Variants in SLC25A53 observed in about 807,000 individuals in gnomAD.
SLC25A53 encodes the protein mitochondrial carrier triple repeat protein 6.
SLC25A53 carries 5 observed loss-of-function variants against 15.0 expected under a neutral mutation model. The observed-to-expected ratio is 0.33, with a 90% confidence interval of 0.17 to 0.70. The LOEUF is 0.70. SLC25A53 is among the 30% of genes least tolerant of loss of function. SLC25A53 has a pLI of 0.67. For missense variants in SLC25A53, 216 were observed against 241.6 expected (o/e 0.89, Z 0.70); for synonymous variants, 95 against 100.0 (o/e 0.95, Z 0.30).
At chrX:104,132,391 G>A (rs143527668) in intron 1 of SLC25A53, among the ~76,000 whole-genome samples, 36 of 111,818 alleles carry the variant, frequency 3.2e-4, no homozygotes, top group African/African-American at 1.1e-3. Flanking sequence ...TGAACATGCC[G>A]TCCTGAAACA....
chrX:104,123,538 TTTG>T (rs1179019624), intron 1 of SLC25A53, among the ~76,000 whole-genome samples: 3 of 94,140 alleles, frequency 3.2e-5, no homozygotes, highest in Non-Finnish European at 6.6e-5. Flanking sequence ...AGTTTGCTGA[TTTG>T]TTTATTTTTT....
chrX:104,156,626 C>G (rs1343237153), intron 1 of SLC25A53, among the ~76,000 whole-genome samples: 1 of 110,275 alleles, frequency 9.1e-6, no homozygotes, highest in East Asian at 2.8e-4. Context: ...CCCCATAGAC[C>G]CCGCCTGTCC....
intron 1 of SLC25A53, among the ~76,000 whole-genome samples, chrX:104,106,455 G>T (rs1206730390): frequency 9.0e-6 from 1 of 111,219 alleles, no homozygotes; most frequent in Non-Finnish European, 1.9e-5. Flanking sequence ...GGAGGACAGG[G>T]GAGAGGCGGA....
In SLC25A53 at chrX:104,115,154, G is replaced by A. The variant is rs782582436; in HGVS notation, c.-31-9866C>T. 211 of 1,206,481 alleles carry A rather than the reference G, an allele frequency of 1.7e-4. No individual in the cohort carries two copies. The highest frequency in any genetic ancestry group is 2.3e-4 in the Middle Eastern group (1 of 4,349). ...GCCAGGAAGCGAAAATACACAACCC[G>A]CTGCTCATATTGTGGGGAGGAGGGC... On this transcript the variant is annotated intron_variant, in intron 1 of 1. Transcript: ENST00000594199.
At chrX:104,144,773 A>G (rs1348200566) in intron 1 of SLC25A53, among the ~76,000 whole-genome samples, 5 of 111,864 alleles carry the variant, frequency 4.5e-5, no homozygotes, top group Non-Finnish European at 9.4e-5. Context: ...TAACTATCCT[A>G]AATATACATG....
At chrX:104,139,534 G>A (rs1190280894) in intron 1 of SLC25A53, among the ~76,000 whole-genome samples, 5 of 111,315 alleles carry the variant, frequency 4.5e-5, no homozygotes, top group African/African-American at 1.6e-4. Context: ...AATAAAGATA[G>A]GCTGGGTGCA....
intron 1 of SLC25A53, among the ~76,000 whole-genome samples, chrX:104,143,958 A>T (rs1308926026): frequency 1.8e-5 from 2 of 111,905 alleles, no homozygotes; most frequent in African/African-American, 6.5e-5. Flanking sequence ...ACATTCTTAA[A>T]GACAAAAATT....
At chrX:104,132,500 C>T (rs782023379) in intron 1 of SLC25A53, among the ~76,000 whole-genome samples, 1 of 112,442 alleles carries the variant, frequency 8.9e-6, no homozygotes, top group Non-Finnish European at 1.9e-5. Flanking sequence ...ACATTGCCAG[C>T]ACATCGTGGC....
At chrX:104,153,634 TGGA>T (rs1253548909) in intron 1 of SLC25A53, among the ~76,000 whole-genome samples, 2 of 112,014 alleles carry the variant, frequency 1.8e-5, no homozygotes, top group African/African-American at 6.5e-5. Flanking sequence ...GTTGATACAG[TGGA>T]GGTGTGAACT....
At chrX:104,151,134 T>C (rs2038035617) in intron 1 of SLC25A53, among the ~76,000 whole-genome samples, 2 of 111,779 alleles carry the variant, frequency 1.8e-5, no homozygotes, top group African/African-American at 6.5e-5. Flanking sequence ...TATGTGTATA[T>C]GAGATCTGGT....
chrX:104,110,811 C>G (rs185820291), intron 1 of SLC25A53, among the ~76,000 whole-genome samples: 61 of 112,369 alleles, frequency 5.4e-4, no homozygotes, highest in African/African-American at 1.9e-3. Flanking sequence ...ACCTAGCAAC[C>G]TGTCCTTGAG....
intron 1 of SLC25A53, among the ~76,000 whole-genome samples, chrX:104,139,672 G>A (rs186911549): frequency 1.3e-4 from 15 of 111,252 alleles, no homozygotes; most frequent in Admixed American, 7.6e-4. Context: ...AAATTAGCTG[G>A]GTGTGGTGGT....
chrX:104,108,798 G>A (rs1231616411), intron 1 of SLC25A53, among the ~76,000 whole-genome samples: 1 of 111,441 alleles, frequency 9.0e-6, no homozygotes, highest in African/African-American at 3.3e-5. Flanking sequence ...GTTCATTCAG[G>A]GCATCTCTCA....
chrX:104,132,089 C>T (rs781966130), intron 1 of SLC25A53, among the ~76,000 whole-genome samples: 1 of 112,576 alleles, frequency 8.9e-6, no homozygotes, highest in Admixed American at 9.4e-5. Flanking sequence ...ATCCTAAATA[C>T]TAGGTCTCTG....
At chrX:104,126,224 G>A (rs1439684406) in intron 1 of SLC25A53, among the ~76,000 whole-genome samples, 2 of 111,323 alleles carry the variant, frequency 1.8e-5, no homozygotes, top group Non-Finnish European at 3.8e-5. Context: ...TGGGAGGATC[G>A]TTTTAGCCCA....
intron 1 of SLC25A53, among the ~76,000 whole-genome samples, chrX:104,109,776 C>G (rs782143109): frequency 8.9e-6 from 1 of 112,148 alleles, no homozygotes; most frequent in East Asian, 2.8e-4. Flanking sequence ...CAATAGCTGT[C>G]TCAACAGGGT....
rs782065637 is a variant in SLC25A53 at position 104,127,443 on chromosome X, G to C, written c.-31-22155C>G. On this transcript the variant is annotated intron_variant, in intron 1 of 1. Transcript: ENST00000594199. Reference sequence around the variant, plus strand: ...TGGTTGTTAAACAAATCTATACATGGGATAAGACCACACAGAAAAACACAC... The same window carrying C: ...TGGTTGTTAAACAAATCTATACATGCGATAAGACCACACAGAAAAACACAC... Among the ~76,000 whole-genome samples, 3 of 111,232 alleles carry C rather than the reference G, an allele frequency of 2.7e-5. No homozygotes were observed. The East Asian group carries it at 8.4e-4, about 31-fold the overall frequency.
intron 1 of SLC25A53, among the ~76,000 whole-genome samples, chrX:104,109,900 C>T (rs1359754375): frequency 8.9e-6 from 1 of 112,048 alleles, no homozygotes; most frequent in Non-Finnish European, 1.9e-5. Context: ...AACCTTCAAG[C>T]TTTTAAGGTT....
chrX:104,136,847 T>C (rs1381262890), intron 1 of SLC25A53, among the ~76,000 whole-genome samples: 1 of 111,810 alleles, frequency 8.9e-6, no homozygotes, highest in African/African-American at 3.3e-5. Flanking sequence ...CCCAACAAAT[T>C]TGTAAGTGTC....
Sources: gnomAD v4.1 joint callset for allele counts (sites outside exome capture counted in the v4.1 genomes callset) on GRCh38, gnomAD v4.1.1 for gene constraint, MANE v1.5 for transcripts, NCBI Gene and HGNC (gene_info 2026-07-23, HGNC 2026-07-21) for gene names.